Variants in SOS2 observed in about 807,000 individuals in gnomAD.
The protein encoded by SOS2 is SOS Ras/Rho guanine nucleotide exchange factor 2, also known as son of sevenless homolog 2.
SOS2 carries 65 observed loss-of-function variants against 148.2 expected under a neutral mutation model. The observed-to-expected ratio is 0.44, with a 90% CI of 0.36 to 0.54. The LOEUF (loss-of-function observed/expected upper bound fraction) is 0.54. Among genes scored for constraint, SOS2 ranks in the 20% least tolerant of loss-of-function variants. The pLI is 0.00. For synonymous variants in SOS2, 539 were observed against 537.1 expected, an observed-to-expected ratio of 1.00 and a Z score of -0.05; for missense variants, 1,341 against 1,590.2, an observed-to-expected ratio of 0.84 and a Z score of 2.67.
rs1210330980 is a variant in SOS2, at chr14:50,130,567, T to A, written c.3271A>T (p.Thr1091Ser). The change falls in exon 20 of 23, where the codon ACT (threonine) becomes TCT (serine). Residue 1091 changes from threonine (T) to serine (S), a missense_variant. Physicochemically the swap from Thr to Ser is moderately conservative, Grantham distance 58 (BLOSUM62 1). Transcript: ENST00000216373. Reference sequence around the variant, plus strand: ...TCTGAAGAAGCAGATACTGGTGGAGTAGATGGTGTATTTGGAGAGGTTGGT... The same window carrying A: ...TCTGAAGAAGCAGATACTGGTGGAGAAGATGGTGTATTTGGAGAGGTTGGT... ...SAPTSPNTPSTPPVSASSDLS... is the reference protein window; with the variant it reads ...SAPTSPNTPSSPPVSASSDLS... 7 of 1,613,382 alleles carry A rather than the reference T, an allele frequency of 4.3e-6. No individual in the cohort carries two copies. Among genetic ancestry groups the A allele is most frequent in the Non-Finnish European group, 5.9e-6 (7 of 1,179,614 alleles).
intron 1 of SOS2, among the ~76,000 whole-genome samples, chr14:50,213,223 C>A (rs1886938536): frequency 6.6e-6 from 1 of 152,078 alleles, no homozygotes; most frequent in Non-Finnish European, 1.5e-5. Context: ...GAGACTGTCT[C>A]AAGAAAACAA....
At chr14:50,168,745 G>A (rs1594987934) in intron 8 of SOS2, among the ~76,000 whole-genome samples, 2 of 152,160 alleles carry the variant, frequency 1.3e-5, no homozygotes, top group East Asian at 3.9e-4. Flanking sequence ...GCCTACTTTG[G>A]GATGAGAATC....
intron 1 of SOS2, among the ~76,000 whole-genome samples, chr14:50,210,088 C>T (rs1291270381): frequency 6.6e-6 from 1 of 152,074 alleles, no homozygotes; most frequent in East Asian, 1.9e-4. Context: ...AAATTACTAA[C>T]AACAAAGTCA....
chr14:50,137,341 T>C (rs1419051061), intron 18 of SOS2, among the ~76,000 whole-genome samples: 1 of 152,216 alleles, frequency 6.6e-6, no homozygotes, highest in Non-Finnish European at 1.5e-5. Context: ...ACTGTTCTTA[T>C]GAATTATATA....
chr14:50,149,999 A>T lies in SOS2; in HGVS notation c.2384+9T>A, dbSNP rs1485544762. 1 of 1,542,458 alleles carries T rather than the reference A, an allele frequency of 6.5e-7. No individual in the cohort carries two copies. The highest frequency in any genetic ancestry group is 1.1e-5 in the South Asian group (1 of 89,374). On this transcript the variant is annotated intron_variant, in intron 14 of 22. Coordinates refer to ENST00000216373, the MANE Select transcript of SOS2 (RefSeq NM_006939.4). Reference sequence around the variant, plus strand: ...AAAATAAAGCAAGACATTAACATTAATTGTCTACCTGTAAAGATCAGACTC... The same window carrying T: ...AAAATAAAGCAAGACATTAACATTATTTGTCTACCTGTAAAGATCAGACTC...
In SOS2 at chr14:50,174,499, C is replaced by T; in HGVS notation, c.1023G>A (p.Met341Ile). 2 of 1,610,872 alleles carry T rather than the reference C, an allele frequency of 1.2e-6. No homozygotes were observed. Among genetic ancestry groups the T allele is most frequent in the Non-Finnish European group, 1.7e-6 (2 of 1,177,930 alleles). The stretch of plus-strand genomic sequence containing the variant: ...GCCAACAGTGATACACTGGCACCAG[C>T]ATAAGACGTGGAAGGACATAACGAA... Reference protein sequence around the residue: ...EAVRYVLPRLMLVPVYHCWHY... With the variant: ...EAVRYVLPRLILVPVYHCWHY... Residue 341 changes from methionine to isoleucine, a missense_variant, in exon 8 of 23, where the codon ATG (methionine) becomes ATA (isoleucine). Around this residue, in one of 4 missense-constraint regions of SOS2, gnomAD observed 574 missense variants for 711.1 expected, o/e 0.81. Transcript: ENST00000216373.
At chr14:50,151,465 A>G (rs938194739) in intron 13 of SOS2, among the ~76,000 whole-genome samples, 3 of 152,208 alleles carry the variant, frequency 2.0e-5, no homozygotes, top group African/African-American at 7.2e-5. Context: ...TCCAGTCATG[A>G]TAATTCCCTA....
intron 9 of SOS2, 64 bp from the exon 10 acceptor site, chr14:50,160,150 C>T (rs975428479): frequency 3.1e-6 from 4 of 1,273,470 alleles, no homozygotes; most frequent in Non-Finnish European, 4.4e-6. Flanking sequence ...CAAGCATAAA[C>T]CATCTCAAAT....
intron 8 of SOS2, among the ~76,000 whole-genome samples, chr14:50,169,973 T>C (rs1885307308): frequency 6.6e-6 from 1 of 152,136 alleles, no homozygotes; most frequent in South Asian, 2.1e-4. Flanking sequence ...TCATCTAGGC[T>C]GGAGTGTACT....
In SOS2 at chr14:50,188,791, C is replaced by T; in HGVS notation, c.511-91G>A. The T allele has an allele frequency of 1.4e-5, 12 of 884,080 alleles. No individual in the cohort carries two copies. In the South Asian group the frequency reaches 1.8e-4, roughly 13 times the overall value. 54.8% of individuals were successfully genotyped at this position (884,080 alleles called of 1,614,324 possible). A position where few individuals can be genotyped will look rare whatever the true frequency, so the allele number is the denominator to read the frequency against. On this transcript the variant is annotated intron_variant, in intron 4 of 22. Transcript: ENST00000216373. ...TACTTGAAATCTATACGTTATTAAA[C>T]AGGGCTGGGTGTTGTAATCCCAGCA...
chr14:50,204,549 T>C lies in SOS2; in HGVS notation c.88-140A>G. ...AACACAAAATGAAGAAAAAAACTATTTGTTGGTCTCTGTAAACTTTTCTTA... is the reference window on the plus strand; with the variant it reads ...AACACAAAATGAAGAAAAAAACTATCTGTTGGTCTCTGTAAACTTTTCTTA... On this transcript the variant is annotated intron_variant, in intron 1 of 22. Coordinates refer to ENST00000216373, the MANE Select transcript of SOS2 (RefSeq NM_006939.4). The C allele has an allele frequency of 5.2e-6, 3 of 578,290 alleles. No individual in the cohort carries two copies. The South Asian group carries it at 8.0e-5, about 15-fold the overall frequency. 35.8% of individuals were successfully genotyped at this position (578,290 alleles called of 1,614,324 possible). A position where few individuals can be genotyped will look rare whatever the true frequency, so the allele number is the denominator to read the frequency against.
chr14:50,120,313 G>T lies in SOS2; in HGVS notation c.3451C>A (p.Pro1151Thr). 1 of 1,606,284 alleles carries T rather than the reference G, an allele frequency of 6.2e-7. No homozygotes were observed. The highest frequency in any genetic ancestry group is 8.5e-7 in the Non-Finnish European group (1 of 1,174,790). Residue 1151 changes from proline (P) to threonine (T), a missense_variant, in exon 22 of 23, where the codon CCT becomes ACT. Physicochemically the swap from Pro to Thr is conservative, Grantham distance 38. Transcript: ENST00000216373. ...GCATCATGATCAAACTTTTTTCGAGGAGGAAGAGGAGGAGGAATCAGGGGC... is the reference window on the plus strand; with the variant it reads ...GCATCATGATCAAACTTTTTTCGAGTAGGAAGAGGAGGAGGAATCAGGGGC... Reference protein sequence around the residue: ...EEPLIPPPLPPRKKFDHDASN... With the variant: ...EEPLIPPPLPTRKKFDHDASN...
chr14:50,178,421 C>A (rs1196463622), intron 7 of SOS2, among the ~76,000 whole-genome samples: 4 of 151,988 alleles, frequency 2.6e-5, no homozygotes, highest in Non-Finnish European at 5.9e-5. Flanking sequence ...AACTCTGAGC[C>A]AATTAAATCT....
In SOS2 at chr14:50,118,389, TG is replaced by T. The variant is rs1566814337; in HGVS notation, c.3953del (p.Pro1318HisfsTer8). The T allele has an allele frequency of 6.2e-7, 1 of 1,614,036 alleles. No homozygotes were observed. The highest frequency in any genetic ancestry group is 2.2e-5 in the East Asian group (1 of 44,882). The stretch of plus-strand genomic sequence containing the variant: ...TTTCTAGCAAAGGCAGTCTGTACAA[TG>T]GGGGGTGCGAAAGCTCCCGTTTGTA... ...KTYKRELSHP[P>X]LYRLPLLENA... is the part of the protein sequence containing the mutation. On this transcript the variant is annotated frameshift_variant, in exon 23 of 23. Transcript: ENST00000216373. LOFTEE classifies it high-confidence loss of function.
chr14:50,180,521 T>C (rs1156540852), intron 7 of SOS2, 51 bp downstream of exon 7: 1 of 756,560 alleles, frequency 1.3e-6, no homozygotes, highest in Non-Finnish European at 2.1e-6. Flanking sequence ...GTGAGATATT[T>C]ATTTGCTTTA....
intron 16 of SOS2, 51 bp from the exon 17 acceptor site, chr14:50,140,110 T>A (rs779789166): frequency 1.5e-5 from 14 of 914,276 alleles, no homozygotes; most frequent in Non-Finnish European, 1.9e-5. Flanking sequence ...CAATCATATT[T>A]TATAAATGCA....
intron 7 of SOS2, among the ~76,000 whole-genome samples, chr14:50,178,088 G>A (rs559109961): frequency 7.9e-5 from 12 of 152,256 alleles, no homozygotes; most frequent in Admixed American, 7.2e-4. Flanking sequence ...CAGAGAAGAC[G>A]AAAATTGGGA....
chr14:50,182,637 T>C (rs1441964978), intron 5 of SOS2, 31 bp from the exon 6 acceptor site: 1 of 1,566,992 alleles, frequency 6.4e-7, no homozygotes, highest in East Asian at 2.2e-5. Flanking sequence ...TTAAGAAATG[T>C]GAGATTGAGA....
intron 21 of SOS2, among the ~76,000 whole-genome samples, chr14:50,127,147 T>C (rs1301655981): frequency 6.7e-6 from 1 of 148,422 alleles, no homozygotes; most frequent in Non-Finnish European, 1.5e-5. Context: ...CCTTTTTTTT[T>C]TTTTTTTTTT....
Sources: allele counts gnomAD v4.1 joint callset (sites outside exome capture counted in the v4.1 genomes callset), GRCh38; gene constraint gnomAD v4.1.1; regional missense constraint gnomAD v4.1.1; transcripts MANE v1.5; gene names NCBI Gene and HGNC (gene_info 2026-07-23, HGNC 2026-07-21).